The following FNBP1L variants were observed in gnomAD, a reference collection of about 807,000 sequenced individuals.
FNBP1L encodes formin-binding protein 1-like.
Under a neutral mutation model 91.2 loss-of-function variants are expected in FNBP1L, and 36 were observed. The ratio of observed to expected loss-of-function variants is 0.39; its 90% CI spans 0.30 to 0.52. The LOEUF (loss-of-function observed/expected upper bound fraction) is 0.52. Among genes scored for constraint, FNBP1L ranks in the 20% least tolerant of loss-of-function variants. FNBP1L has a pLI of 0.66. For synonymous variants in FNBP1L, 242 were observed against 237.0 expected (o/e 1.02, Z -0.19); for missense variants, 571 against 732.1 (o/e 0.78, Z 2.54).
At chr1:93,469,976 A>G (rs1325035133) in intron 1 of FNBP1L, among the ~76,000 whole-genome samples, 1 of 152,186 alleles carries the variant, frequency 6.6e-6, no homozygotes, top group African/African-American at 2.4e-5. Context: ...AAAGAAAAAA[A>G]GAAAAGGAAA....
chr1:93,485,222 G>T (rs995109529), intron 1 of FNBP1L, among the ~76,000 whole-genome samples: 18 of 151,156 alleles, frequency 1.2e-4, no homozygotes, highest in Non-Finnish European at 1.6e-4. Flanking sequence ...AAATAAGATA[G>T]CTGTGTGGGA....
intron 10 of FNBP1L, among the ~76,000 whole-genome samples, chr1:93,539,362 A>AT (rs1671950372): frequency 6.6e-6 from 1 of 151,868 alleles, no homozygotes; most frequent in Non-Finnish European, 1.5e-5. Context: ...GTATATGAGA[A>AT]TAAGATATTT....
intron 1 of FNBP1L, among the ~76,000 whole-genome samples, chr1:93,448,681 C>T (rs370484299): frequency 2.6e-5 from 4 of 152,174 alleles, no homozygotes; most frequent in Non-Finnish European, 5.9e-5. Context: ...TTGTATCTCT[C>T]CTCCCGGAGG....
chr1:93,552,474 G>A lies in FNBP1L; in HGVS notation c.*58G>A, dbSNP rs41292649. ...AAGGAGGTTACATGCAGCTGCTTTT[G>A]GGGGAGGGTATTAGAGTTGTCAGGC... On this transcript the variant is annotated 3_prime_UTR_variant, in exon 17 of 17. Transcript: ENST00000271234. The A allele has an allele frequency of 3.7e-6, 6 of 1,602,488 alleles. No individual in the cohort carries two copies. The highest frequency in any genetic ancestry group is 1.7e-4 in the Middle Eastern group (1 of 6,048).
chr1:93,534,219 G>A (rs1671773577), intron 8 of FNBP1L, among the ~76,000 whole-genome samples: 1 of 151,942 alleles, frequency 6.6e-6, no homozygotes, highest in African/African-American at 2.4e-5. Context: ...TTCCCATGTT[G>A]GATGAGTTAG....
intron 5 of FNBP1L, among the ~76,000 whole-genome samples, chr1:93,529,270 C>G (rs964766543): frequency 1.3e-5 from 2 of 151,882 alleles, no homozygotes; most frequent in African/African-American, 4.8e-5. Flanking sequence ...TCAGTCATGC[C>G]TATGTTATTT....
chr1:93,467,189 C>A (rs1445124364), intron 1 of FNBP1L, among the ~76,000 whole-genome samples: 1 of 152,174 alleles, frequency 6.6e-6, no homozygotes, highest in Non-Finnish European at 1.5e-5. Flanking sequence ...ATTTGTCCAC[C>A]CGTGTGTATA....
At position 93,517,937 on chromosome 1, in the gene FNBP1L, C is replaced by CTAA. The variant is rs780613313; in HGVS notation, c.141-4139_141-4137dup. Among the ~76,000 whole-genome samples the CTAA allele has an allele frequency of 3.9e-5, 6 of 152,136 alleles. No individual in the cohort carries two copies. The South Asian group carries it at 1.2e-3, about 32-fold the overall frequency. Reference sequence around the variant, plus strand: ...TGTGTCTGAGTCCTGTAAAGTCAGGCTAATAATATCTGCTTGCAGTTGTTG... The same window carrying CTAA: ...TGTGTCTGAGTCCTGTAAAGTCAGGCTAATAATAATATCTGCTTGCAGTTGTTG... On this transcript the variant is annotated intron_variant, in intron 2 of 16. Coordinates refer to ENST00000271234, the MANE Select transcript of FNBP1L (RefSeq NM_001164473.3).
At chr1:93,488,370 C>G (rs1570795009) in intron 1 of FNBP1L, 1 of 152,204 alleles carries the variant, frequency 6.6e-6, no homozygotes, top group African/African-American at 2.4e-5. Context: ...AGTCTCCCAT[C>G]CAAATACTAA....
At chr1:93,535,714 T>A (rs964430861) in intron 9 of FNBP1L, among the ~76,000 whole-genome samples, 2 of 152,016 alleles carry the variant, frequency 1.3e-5, no homozygotes, top group African/African-American at 4.8e-5. Flanking sequence ...TCATGCTTTA[T>A]TTATGCTTTT....
At chr1:93,533,983 G>A (rs1275274058) in intron 8 of FNBP1L, among the ~76,000 whole-genome samples, 6 of 152,106 alleles carry the variant, frequency 3.9e-5, no homozygotes, top group African/African-American at 1.4e-4. Flanking sequence ...TGTTGTTAGG[G>A]GTGGGGAGGA....
At chr1:93,515,661 A>G (rs1248909530) in intron 2 of FNBP1L, among the ~76,000 whole-genome samples, 1 of 151,156 alleles carries the variant, frequency 6.6e-6, no homozygotes, top group Non-Finnish European at 1.5e-5. Context: ...AAACTATCGC[A>G]AGCACAAAAA....
In FNBP1L at chr1:93,547,452, G is replaced by T; in HGVS notation, c.1502+11G>T. The T allele has an allele frequency of 1.3e-6, 2 of 1,545,412 alleles. No homozygotes were observed. Among genetic ancestry groups the T allele is most frequent in the Non-Finnish European group, 1.8e-6 (2 of 1,142,272 alleles). On this transcript the variant is annotated intron_variant, in intron 14 of 16. Transcript: ENST00000271234. ...ACAGGGACGAGAAAGGTGATTTTTT[G>T]TATTTTATTTGTATTTCTTCTCCCC...
chr1:93,478,159 T>C (rs1399585544), intron 1 of FNBP1L, among the ~76,000 whole-genome samples: 2 of 152,204 alleles, frequency 1.3e-5, no homozygotes, highest in Admixed American at 6.5e-5. Flanking sequence ...CTTTCCCTTC[T>C]CTCTTTTACC....
chr1:93,509,646 C>T (rs1328437276), intron 2 of FNBP1L, among the ~76,000 whole-genome samples: 3 of 152,222 alleles, frequency 2.0e-5, no homozygotes, highest in Admixed American at 6.5e-5. Flanking sequence ...GTCTACAGCT[C>T]CCAGCGTGAG....
At chr1:93,525,266 T>G (rs777118632) in intron 5 of FNBP1L, among the ~76,000 whole-genome samples, 4 of 152,114 alleles carry the variant, frequency 2.6e-5, no homozygotes, top group Non-Finnish European at 5.9e-5. Flanking sequence ...AAAAGTACTT[T>G]GAGATTAAAA....
chr1:93,464,210 C>T (rs1298434767), intron 1 of FNBP1L, among the ~76,000 whole-genome samples: 2 of 152,144 alleles, frequency 1.3e-5, no homozygotes, highest in African/African-American at 4.8e-5. Context: ...TCAGCAATTT[C>T]ACTTCTGAGC....
intron 12 of FNBP1L, among the ~76,000 whole-genome samples, chr1:93,544,661 G>A (rs1362622102): frequency 1.3e-5 from 2 of 151,944 alleles, no homozygotes; most frequent in Admixed American, 6.6e-5. Flanking sequence ...TTTATAAGAC[G>A]TTTCCTCTAG....
At chr1:93,539,450 AT>A (rs1671953120) in intron 10 of FNBP1L, among the ~76,000 whole-genome samples, 2 of 151,998 alleles carry the variant, frequency 1.3e-5, no homozygotes, top group African/African-American at 4.8e-5. Context: ...TGAGCTTTGT[AT>A]ATCCCCAAAT....
Sources: gnomAD v4.1 joint callset for allele counts (sites outside exome capture counted in the v4.1 genomes callset) on GRCh38, gnomAD v4.1.1 for gene constraint, MANE v1.5 for transcripts, NCBI Gene and HGNC (gene_info 2026-07-23, HGNC 2026-07-21) for gene names.